The following ZNF688 variants were observed in gnomAD, a reference collection of about 807,000 sequenced individuals.
ZNF688 encodes zinc finger protein 688.
A neutral mutation model predicts 13.2 loss-of-function variants in ZNF688; 10 were observed. The observed-to-expected ratio is 0.76, with a 90% confidence interval of 0.47 to 1.28. ZNF688 has a LOEUF of 1.28. Among genes scored for constraint, ZNF688 ranks in the 50% most tolerant of loss-of-function variants. The probability of loss-of-function intolerance (pLI) is 0.00; values close to 1 mark genes in which losing one functional copy is unlikely to be tolerated. For synonymous variants in ZNF688, 160 were observed against 159.4 expected, an observed-to-expected ratio of 1.00 and a Z score of -0.03; for missense variants, 381 against 391.4, an observed-to-expected ratio of 0.97 and a Z score of 0.22.
upstream of ZNF688, chr16:30,571,890 T>G: frequency 7.8e-7 from 1 of 1,279,464 alleles, no homozygotes; most frequent in Non-Finnish European, 9.8e-7. Flanking sequence ...GGAAGGTGCC[T>G]TCTGAAAATA....
In ZNF688 at chr16:30,571,510, C is replaced by T; in HGVS notation, c.120G>A (p.Trp40Ter). 1 of 1,590,024 alleles carries T rather than the reference C, an allele frequency of 6.3e-7. No individual in the cohort carries two copies. The highest frequency in any genetic ancestry group is 1.8e-5 in the Admixed American group (1 of 56,764). The change falls in exon 1 of 3, where the codon TGG becomes TGA. Residue 40 changes from tryptophan (W) to a stop codon, truncating the protein, a stop_gained. Coordinates refer to ENST00000223459, the MANE Select transcript of ZNF688 (RefSeq NM_145271.4). LOFTEE classifies it high-confidence loss of function. ...CCCTCTGCGCGGGCCGCAGACAGCC[C>T]CACTCCTCCGGGGAGAAGTACACGG... is the stretch of plus-strand genomic sequence containing the variant. ...DVAVYFSPEE[W>*]GCLRPAQRAL...
chr16:30,574,993 T>C (rs765768713), upstream of ZNF688, among the ~76,000 whole-genome samples: 6 of 152,192 alleles, frequency 3.9e-5, no homozygotes, highest in Non-Finnish European at 8.8e-5. Context: ...CTTATTCACT[T>C]AACATAATGA....
intron 2 of ZNF688, 131 bp from the exon 3 acceptor site, chr16:30,570,567 T>A: frequency 8.5e-7 from 1 of 1,173,988 alleles, no homozygotes; most frequent in Non-Finnish European, 1.2e-6. Flanking sequence ...TAGAACAAGG[T>A]AAACAGGATT....
chr16:30,570,895 G>C, intron 2 of ZNF688, 115 bp downstream of exon 2: 1 of 1,138,048 alleles, frequency 8.8e-7, no homozygotes, highest in South Asian at 1.3e-5. Flanking sequence ...TACTCCTCTA[G>C]TACCCAACAC....
the ZNF688 span, chr16:30,579,924 G>T: frequency 2.2e-6 from 1 of 452,058 alleles, no homozygotes. Context: ...GTCTCACTTT[G>T]TCGCCCAGGC....
In ZNF688 at chr16:30,570,126, C is replaced by A. The variant is rs762687754; in HGVS notation, c.621G>T (p.Gly207=). The A allele has an allele frequency of 1.2e-6, 2 of 1,611,494 alleles. No homozygotes were observed. The highest frequency in any genetic ancestry group is 1.7e-6 in the Non-Finnish European group (2 of 1,178,866). Residue 207 remains glycine (G), a synonymous_variant, in exon 3 of 3, where the codon GGG becomes GGT. Coordinates refer to ENST00000223459, the MANE Select transcript of ZNF688 (RefSeq NM_145271.4). ...ACTCGGGGCAGGGGAAAGGCCGCTCCCCCGAGTGCATGCGCCTGTGGCTGA... is the reference window on the plus strand; with the variant it reads ...ACTCGGGGCAGGGGAAAGGCCGCTCACCCGAGTGCATGCGCCTGTGGCTGA... ...LLVSHRRMHS[G]ERPFPCPECG...
At chr16:30,573,538 G>T (rs1228680269), upstream of ZNF688, among the ~76,000 whole-genome samples, 1 of 152,190 alleles carries the variant, frequency 6.6e-6, no homozygotes, top group Admixed American at 6.5e-5. Flanking sequence ...TTTGCTAAGC[G>T]TGGGGCTGGT....
chr16:30,571,634 C>T lies in ZNF688; in HGVS notation c.-5G>A. The T allele has an allele frequency of 1.4e-6, 2 of 1,401,632 alleles. No homozygotes were observed. Among genetic ancestry groups the T allele is most frequent in the Non-Finnish European group, 9.2e-7 (1 of 1,081,738 alleles). The allele number at this position is 1,401,632 out of a possible 1,614,324, so 86.8% of individuals were successfully genotyped here. On this transcript the variant is annotated 5_prime_UTR_variant, in exon 1 of 3. Coordinates refer to ENST00000223459, the MANE Select transcript of ZNF688 (RefSeq NM_145271.4). ...CGGGGCTGGGGGCGGCGCCATGGGG[C>T]CTCGCAGCCCCGATCGGCGGCCGCC...
intron 1 of ZNF688, 72 bp downstream of exon 1, chr16:30,571,357 AGTCCT>A: frequency 6.5e-7 from 1 of 1,535,158 alleles, no homozygotes; most frequent in Non-Finnish European, 8.8e-7. Flanking sequence ...TAGGGCTCAC[AGTCCT>A]CTCGGCCCTT....
In ZNF688 at chr16:30,570,389, C is replaced by G. The variant is rs553344886; in HGVS notation, c.358G>C (p.Ala120Pro). Reference protein sequence around the residue: ...KEEEPEEVPRAKGPRKAPVKE... With the variant: ...KEEEPEEVPRPKGPRKAPVKE... ...ACAGGAGCCTTTCTAGGCCCTTTGG[C>G]TCTTGGGACTTCCTCCGGTTCCTCT... is the stretch of plus-strand genomic sequence containing the variant. Residue 120 changes from alanine to proline, a missense_variant, in exon 3 of 3, where the codon GCC becomes CCC. By Grantham distance (27) the Ala-to-Pro change is conservative (BLOSUM62 -1). Coordinates refer to ENST00000223459, the MANE Select transcript of ZNF688 (RefSeq NM_145271.4). The G allele has an allele frequency of 2.5e-6, 4 of 1,613,792 alleles. No individual in the cohort carries two copies. The highest frequency in any genetic ancestry group is 2.5e-6 in the Non-Finnish European group (3 of 1,179,976).
In ZNF688 at chr16:30,570,994, C is replaced by G; in HGVS notation, c.310+16G>C. 1 of 1,613,560 alleles carries G rather than the reference C, an allele frequency of 6.2e-7. No homozygotes were observed. Among genetic ancestry groups the G allele is most frequent in the East Asian group, 2.2e-5 (1 of 44,860 alleles). Reference sequence around the variant, plus strand: ...CCCTGGAAAACCAAGTGGGGGGACCCGGGACTATCCCTCACCTCTCCGAGC... The same window carrying G: ...CCCTGGAAAACCAAGTGGGGGGACCGGGGACTATCCCTCACCTCTCCGAGC... On this transcript the variant is annotated intron_variant, in intron 2 of 2. Coordinates refer to ENST00000223459, the MANE Select transcript of ZNF688 (RefSeq NM_145271.4).
At chr16:30,571,153 C>G in intron 1 of ZNF688, 30 bp from the exon 2 acceptor site, 2 of 1,555,662 alleles carry the variant, frequency 1.3e-6, no homozygotes, top group South Asian at 1.2e-5. Context: ...ACAGCGCGGG[C>G]CTGAGAGGCC....
At chr16:30,572,297 C>A, upstream of ZNF688, 1 of 1,468,776 alleles carries the variant, frequency 6.8e-7, no homozygotes, top group Non-Finnish European at 9.1e-7. Context: ...GGGATTGTGT[C>A]CCCTACGGTC....
chr16:30,570,133 T>G lies in ZNF688; in HGVS notation c.614A>C (p.His205Pro). The G allele has an allele frequency of 6.2e-7, 1 of 1,611,254 alleles. No individual in the cohort carries two copies. The highest frequency in any genetic ancestry group is 1.1e-5 in the South Asian group (1 of 90,912). ...PSLLVSHRRM[H>P]SGERPFPCPE... ...GCAGGGGAAAGGCCGCTCCCCCGAG[T>G]GCATGCGCCTGTGGCTGACCAGCAG... Residue 205 changes from histidine to proline, a missense_variant, in exon 3 of 3, where the codon CAC (histidine) becomes CCC (proline). His to Pro is a moderately conservative substitution (Grantham distance 77). Transcript: ENST00000223459.
chr16:30,577,015 C>G (rs576424375), upstream of ZNF688, among the ~76,000 whole-genome samples: 58 of 152,310 alleles, frequency 3.8e-4, 1 homozygote, highest in African/African-American at 1.4e-3. Flanking sequence ...ATCCTCCCAC[C>G]TCAGCCTCCC....
upstream of ZNF688, among the ~76,000 whole-genome samples, chr16:30,576,078 C>T (rs1190428604): frequency 2.0e-5 from 3 of 152,140 alleles, no homozygotes; most frequent in African/African-American, 4.8e-5. Context: ...GAGTCAGTCT[C>T]GCTCTGCAGC....
upstream of ZNF688, among the ~76,000 whole-genome samples, chr16:30,575,667 T>G: frequency 6.6e-6 from 1 of 152,096 alleles, no homozygotes. Flanking sequence ...TTTTCTTTTT[T>G]TTTTTGGAGA....
At chr16:30,570,968 G>A (rs748840114) in intron 2 of ZNF688, 42 bp downstream of exon 2, 7 of 1,599,598 alleles carry the variant, frequency 4.4e-6, no homozygotes, top group African/African-American at 4.0e-5. Flanking sequence ...TAGACAGGAA[G>A]CCCTGGAAAA....
chr16:30,571,643 C>G lies in ZNF688; in HGVS notation c.-14G>C. 2 of 1,391,892 alleles carry G rather than the reference C, an allele frequency of 1.4e-6. No individual in the cohort carries two copies. Among genetic ancestry groups the G allele is most frequent in the Non-Finnish European group, 1.9e-6 (2 of 1,076,798 alleles). The allele number at this position is 1,391,892 out of a possible 1,614,324, so 86.2% of individuals were successfully genotyped here. ...GGGCGGCGCCATGGGGCCTCGCAGC[C>G]CCGATCGGCGGCCGCCAGGTCCCTG... On this transcript the variant is annotated 5_prime_UTR_variant, in exon 1 of 3. Coordinates refer to ENST00000223459, the MANE Select transcript of ZNF688 (RefSeq NM_145271.4).
Sources: allele counts gnomAD v4.1 joint callset (sites outside exome capture counted in the v4.1 genomes callset), GRCh38; gene constraint gnomAD v4.1.1; transcripts MANE v1.5; gene names NCBI Gene and HGNC (gene_info 2026-07-23, HGNC 2026-07-21).